The following PLXNA4 variants were observed in gnomAD, a reference collection of about 807,000 sequenced individuals.
The protein encoded by PLXNA4 is plexin-A4.
PLXNA4 carries 44 observed loss-of-function variants against 191.8 expected under a neutral mutation model. That is an observed-to-expected ratio of 0.23 (90% CI 0.18 to 0.29). The LOEUF (loss-of-function observed/expected upper bound fraction) is 0.29. Among genes scored for constraint, PLXNA4 ranks in the 10% least tolerant of loss-of-function variants. The pLI is 1.00. For synonymous variants in PLXNA4, 1,082 were observed against 1,009.5 expected (o/e 1.07, Z -1.36); for missense variants, 1,800 against 2,488.8 (o/e 0.72, Z 5.89).
In PLXNA4 at chr7:132,641,410, T is replaced by G. The variant is rs10227902; in HGVS notation, c.-87+4518A>C. Among the ~76,000 whole-genome samples, 399 of 152,266 alleles carry G rather than the reference T, an allele frequency of 2.6e-3. 2 individuals are homozygous for G. Among genetic ancestry groups the G allele is most frequent in the African/African-American group, 8.9e-3 (369 of 41,556 alleles). On this transcript the variant is annotated intron_variant, in intron 2 of 4. Transcript: ENST00000378539. Reference sequence around the variant, plus strand: ...ATGGCCTTTCCTCTGTGCTCACACATCCCTTGTGTCTCTTGTTGCAAGGAC... The same window carrying G: ...ATGGCCTTTCCTCTGTGCTCACACAGCCCTTGTGTCTCTTGTTGCAAGGAC...
chr7:132,182,316 G>A, intron 16 of PLXNA4, 126 bp from the exon 17 acceptor site: 1 of 1,437,932 alleles, frequency 7.0e-7, no homozygotes, highest in Non-Finnish European at 9.3e-7. Flanking sequence ...ATGTTCATGG[G>A]GACAAGGATG....
intron 3 of PLXNA4, among the ~76,000 whole-genome samples, chr7:132,382,190 CCTT>C (rs1804924896): frequency 6.6e-6 from 1 of 152,166 alleles, no homozygotes; most frequent in Non-Finnish European, 1.5e-5. Flanking sequence ...GAGGAGGTCT[CCTT>C]CTTTCCCTGA....
intron 1 of PLXNA4, among the ~76,000 whole-genome samples, chr7:132,527,498 T>C (rs572148474): frequency 1.3e-4 from 17 of 126,570 alleles, no homozygotes; most frequent in Non-Finnish European, 2.5e-4. Context: ...GAAACTACAG[T>C]GAGTAAGGGC....
chr7:132,147,145 C>T (rs892525893), intron 27 of PLXNA4, among the ~76,000 whole-genome samples: 3 of 152,208 alleles, frequency 2.0e-5, no homozygotes, highest in African/African-American at 4.8e-5. Context: ...TGCTCACCTT[C>T]GTCTGTCCTC....
At chr7:132,249,634 C>T (rs1799177923) in intron 4 of PLXNA4, among the ~76,000 whole-genome samples, 1 of 152,204 alleles carries the variant, frequency 6.6e-6, no homozygotes. Flanking sequence ...AGCCATAGCC[C>T]AGAGGGGCTG....
intron 2 of PLXNA4, among the ~76,000 whole-genome samples, chr7:132,597,840 G>GCTCT (rs768906299): frequency 1.5e-4 from 21 of 140,320 alleles, no homozygotes; most frequent in Middle Eastern, 3.7e-3. Context: ...TCCATGTTGC[G>GCTCT]CTCTCTCTCT....
At position 132,316,386 on chromosome 7, in the gene PLXNA4, C is replaced by T. The variant is rs180676161; in HGVS notation, c.1372-18164G>A. Among the ~76,000 whole-genome samples the T allele has an allele frequency of 1.7e-3, 256 of 152,256 alleles. 2 individuals are homozygous for T. Among genetic ancestry groups the T allele is most frequent in the Middle Eastern group, 6.8e-3 (2 of 292 alleles). On this transcript the variant is annotated intron_variant, in intron 3 of 31. Transcript: ENST00000321063. ...CATAAACTCAATCAACTGACTTAAA[C>T]GCATGGAAAATGGTGGACTTAGGAG... is the stretch of plus-strand genomic sequence containing the variant.
At chr7:132,434,392 A>C (rs1456796969) in intron 3 of PLXNA4, among the ~76,000 whole-genome samples, 3 of 152,164 alleles carry the variant, frequency 2.0e-5, no homozygotes, top group Non-Finnish European at 2.9e-5. Context: ...GGTGGGAGGC[A>C]AGGAGGGCAG....
chr7:132,615,326 G>A (rs77156685), intron 2 of PLXNA4, among the ~76,000 whole-genome samples: 1 of 152,098 alleles, frequency 6.6e-6, no homozygotes, highest in Non-Finnish European at 1.5e-5. Flanking sequence ...GGAAACTGAC[G>A]CCTGTGCAGC....
intron 5 of PLXNA4, among the ~76,000 whole-genome samples, chr7:132,229,848 G>T (rs973747489): frequency 6.6e-6 from 1 of 152,054 alleles, no homozygotes; most frequent in Non-Finnish European, 1.5e-5. Context: ...ACCCTGAGCT[G>T]CTATTGGGGT....
chr7:132,145,499 T>C lies in PLXNA4; in HGVS notation c.5056-211A>G, dbSNP rs960713784. On this transcript the variant is annotated intron_variant, in intron 28 of 31. Transcript: ENST00000321063. ...TTCCCCTGCACATGGAAAAGAGATA[T>C]AACACTGATGACTGGACCTACGTAA... 7 of 648,678 alleles carry C rather than the reference T, an allele frequency of 1.1e-5. No individual in the cohort carries two copies. In the Admixed American group the frequency reaches 1.6e-4, roughly 15 times the overall value. The allele number at this position is 648,678 out of a possible 1,614,324, so 40.2% of individuals were successfully genotyped here.
At chr7:132,211,451 TAGAG>T (rs1370533701) in intron 9 of PLXNA4, among the ~76,000 whole-genome samples, 1 of 152,234 alleles carries the variant, frequency 6.6e-6, no homozygotes, top group East Asian at 1.9e-4. Context: ...TCTACCCTAG[TAGAG>T]ACTGCCTCTG....
chr7:132,598,601 A>C lies in PLXNA4; in HGVS notation c.-87+47327T>G, dbSNP rs115038062. The stretch of plus-strand genomic sequence containing the variant: ...CCTCTTTTATAAGTTACCTATTCAT[A>C]ACCTTTCCCTGTATTTCATTTGGAG... On this transcript the variant is annotated intron_variant, in intron 2 of 4. Coordinates refer to the PLXNA4 transcript ENST00000378539. Among the ~76,000 whole-genome samples the C allele has an allele frequency of 6.4e-3, 974 of 152,244 alleles. 16 individuals carry two copies. Among genetic ancestry groups the C allele is most frequent in the African/African-American group, 0.021 (892 of 41,506 alleles).
intron 3 of PLXNA4, among the ~76,000 whole-genome samples, chr7:132,365,358 T>TGTGTGTGCGCGCGC (rs377067193): frequency 1.6e-4 from 22 of 133,590 alleles, no homozygotes; most frequent in African/African-American, 3.4e-4. Flanking sequence ...TGTGTGTGTG[T>TGTGTGTGCGCGCGC]GTGCGTGCGC....
chr7:132,472,430 G>A (rs891484406), intron 3 of PLXNA4, among the ~76,000 whole-genome samples: 2 of 151,876 alleles, frequency 1.3e-5, no homozygotes, highest in African/African-American at 4.8e-5. Context: ...TCCCTCCTTG[G>A]GCACAAATGC....
At chr7:132,291,033 C>T (rs1475351010) in intron 4 of PLXNA4, among the ~76,000 whole-genome samples, 1 of 152,198 alleles carries the variant, frequency 6.6e-6, no homozygotes, top group South Asian at 2.1e-4. Flanking sequence ...TACTAAATCC[C>T]CATTTCACAG....
intron 3 of PLXNA4, among the ~76,000 whole-genome samples, chr7:132,404,147 C>T (rs950796617): frequency 6.6e-6 from 1 of 152,144 alleles, no homozygotes; most frequent in Non-Finnish European, 1.5e-5. Flanking sequence ...GAGGAATTAA[C>T]CCAGAGGCCT....
At position 132,524,990 on chromosome 7, in the gene PLXNA4, C is replaced by A. The variant is rs896427291; in HGVS notation, c.-86-16211G>T. ...TCAGTGACATTAAGTATACCCATGT[C>A]ATGGTGCAACCATCACTGCCATCCA... On this transcript the variant is annotated intron_variant, in intron 1 of 31. Coordinates refer to ENST00000321063, the MANE Select transcript of PLXNA4 (RefSeq NM_020911.2). 4.0e-4 allele frequency among the ~76,000 whole-genome samples: 61 copies of A among 152,220 alleles called. 1 individual carries two copies. The highest frequency in any genetic ancestry group is 8.8e-5 in the Non-Finnish European group (6 of 68,036).
intron 2 of PLXNA4, among the ~76,000 whole-genome samples, chr7:132,493,779 ATGGATGG>A (rs1797900427): frequency 1.3e-5 from 2 of 150,254 alleles, no homozygotes; most frequent in South Asian, 4.2e-4. Flanking sequence ...GGATGGATGG[ATGGATGG>A]ATGGATGGTT....
Sources: allele counts gnomAD v4.1 joint callset (sites outside exome capture counted in the v4.1 genomes callset), GRCh38; gene constraint gnomAD v4.1.1; transcripts MANE v1.5; gene names NCBI Gene and HGNC (gene_info 2026-07-23, HGNC 2026-07-21).